PNPLA7: variants seen among roughly 807,000 people sequenced by gnomAD.
The protein encoded by PNPLA7 is patatin like domain 7, lysophospholipase.
Under a neutral mutation model 161.7 loss-of-function variants are expected in PNPLA7, and 153 were observed. That is an observed-to-expected ratio of 0.95 (90% CI 0.83 to 1.08). The LOEUF is 1.08. Ranked by LOEUF, PNPLA7 falls within the 50% of genes least tolerant of loss-of-function variation. The pLI is 0.00. For synonymous variants in PNPLA7, 809 were observed against 782.1 expected (o/e 1.03, Z -0.57); for missense variants, 1,739 against 1,856.6 (o/e 0.94, Z 1.16).
At chr9:137,477,308 A>T (rs1375337493) in intron 25 of PNPLA7, among the ~76,000 whole-genome samples, 2 of 152,228 alleles carry the variant, frequency 1.3e-5, no homozygotes, top group Non-Finnish European at 2.9e-5. Flanking sequence ...CTGGGTTTAA[A>T]GTCCCTGAAG....
intron 21 of PNPLA7, among the ~76,000 whole-genome samples, chr9:137,484,083 G>T (rs563569344): frequency 2.1e-4 from 32 of 151,104 alleles, no homozygotes; most frequent in Admixed American, 9.9e-4. Context: ...TTACAGATGC[G>T]CACCACCACG....
intron 12 of PNPLA7, among the ~76,000 whole-genome samples, chr9:137,512,453 C>T (rs931966068): frequency 4.6e-5 from 7 of 152,228 alleles, no homozygotes; most frequent in Admixed American, 6.5e-5. Context: ...GGCAGGCAGC[C>T]GTGGTGGGGA....
chr9:137,500,950 G>T lies in PNPLA7; in HGVS notation c.1552-54C>A. 6.7e-7 allele frequency: 1 copy of T among 1,487,322 alleles called. No individual in the cohort carries two copies. Among genetic ancestry groups the T allele is most frequent in the Non-Finnish European group, 9.0e-7 (1 of 1,107,692 alleles). 92.1% of individuals were successfully genotyped at this position (1,487,322 alleles called of 1,614,324 possible). A position where few individuals can be genotyped will look rare whatever the true frequency, so the allele number is the denominator to read the frequency against. On this transcript the variant is annotated intron_variant, in intron 15 of 34. Coordinates refer to ENST00000406427, the MANE Select transcript of PNPLA7 (RefSeq NM_001098537.3). This position sits in a 1 kb window ranked among gnomAD's most constrained non-coding sequence, Gnocchi z 5.5. ...CGCGAGTGGCCGCGGGCAGGACGGG[G>T]GCAGCTCTGGGCCCAGAGCGGACGA... is the stretch of plus-strand genomic sequence containing the variant.
At position 137,502,787 on chromosome 9, in the gene PNPLA7, AG is replaced by A. The variant is rs1014126424; in HGVS notation, c.1474-1061del. ...GGTGACATGGACGAGGCCGCTGGAC[AG>A]GGGGGCACTGAACGCACGGCTGAAG... On this transcript the variant is annotated intron_variant, in intron 14 of 34. Coordinates refer to ENST00000406427, the MANE Select transcript of PNPLA7 (RefSeq NM_001098537.3). 1.1e-4 allele frequency among the ~76,000 whole-genome samples: 6 copies of A among 55,406 alleles called. No homozygotes were observed. In the East Asian group the frequency reaches 3.1e-3, roughly 29 times the overall value. 36.3% of individuals were successfully genotyped at this position (55,406 alleles called of 152,430 possible).
rs975712829 is a variant in PNPLA7 at position 137,537,249 on chromosome 9, G to T, written c.747+3393C>A. ...AATGACAAACACAAAAGTTTGATGA[G>T]GAAAAACGATGTCACGGCAGATGAT... On this transcript the variant is annotated intron_variant, in intron 8 of 34. Coordinates refer to ENST00000406427, the MANE Select transcript of PNPLA7 (RefSeq NM_001098537.3). The surrounding 1 kb of genome is among the most constrained non-coding windows in gnomAD (Gnocchi z 4.5). Among the ~76,000 whole-genome samples the T allele has an allele frequency of 6.6e-6, 1 of 152,116 alleles. No individual in the cohort carries two copies. Among genetic ancestry groups the T allele is most frequent in the African/African-American group, 2.4e-5 (1 of 41,408 alleles).
At chr9:137,505,276 AAAT>A (rs1380523981) in intron 14 of PNPLA7, among the ~76,000 whole-genome samples, 3 of 152,086 alleles carry the variant, frequency 2.0e-5, no homozygotes, top group African/African-American at 4.8e-5. Flanking sequence ...AAAGTAATAA[AAAT>A]AAATTATTAA....
At chr9:137,546,033 C>T (rs923408832) in intron 4 of PNPLA7, among the ~76,000 whole-genome samples, 10 of 152,198 alleles carry the variant, frequency 6.6e-5, no homozygotes, top group Admixed American at 6.5e-4. Flanking sequence ...GGAGGCCTAA[C>T]CGTCTCCCTG....
At chr9:137,502,258 C>T (rs923478053) in intron 14 of PNPLA7, among the ~76,000 whole-genome samples, 2 of 152,156 alleles carry the variant, frequency 1.3e-5, no homozygotes, top group Non-Finnish European at 2.9e-5. Context: ...GAGGGAGCGT[C>T]TGCGGGCACC....
Position 137,524,764 on chromosome 9 carries a change from AGTTTCCGTGGATGCCCCGTGGAATGG to A in PNPLA7, c.748-1933_748-1908del, listed in dbSNP as rs1181086425. 1.3e-5 allele frequency among the ~76,000 whole-genome samples: 2 copies of A among 151,422 alleles called. No individual in the cohort carries two copies. The highest frequency in any genetic ancestry group is 1.5e-5 in the Non-Finnish European group (1 of 67,902). Reference sequence around the variant, plus strand: ...GTTTCCGTGGATGCCCCGTGGAATGAGTTTCCGTGGATGCCCCGTGGAATGGGTTTCCGTGGATGCCCCGTGGAATG... The same window carrying A: ...GTTTCCGTGGATGCCCCGTGGAATGAGTTTCCGTGGATGCCCCGTGGAATG... On this transcript the variant is annotated intron_variant, in intron 8 of 34. Transcript: ENST00000406427. This position sits in a 1 kb window ranked among gnomAD's most constrained non-coding sequence, Gnocchi z 4.4.
chr9:137,460,994 T>A, intron 33 of PNPLA7: 1 of 480,392 alleles, frequency 2.1e-6, no homozygotes. Context: ...CCTCCCCTTG[T>A]CAGCCAAGCA....
chr9:137,543,908 G>A lies in PNPLA7; in HGVS notation c.274-93C>T, dbSNP rs559770377. On this transcript the variant is annotated intron_variant, in intron 4 of 34. Transcript: ENST00000406427. This position sits in a 1 kb window ranked among gnomAD's most constrained non-coding sequence, Gnocchi z 6.9. Reference sequence around the variant, plus strand: ...GGATCAGTCCTCAGGACCTGCCTGTGGGCCTCCCACAGTCCCAGCTTCAGC... The same window carrying A: ...GGATCAGTCCTCAGGACCTGCCTGTAGGCCTCCCACAGTCCCAGCTTCAGC... 1.1e-4 allele frequency: 119 copies of A among 1,065,222 alleles called. No individual in the cohort carries two copies. In the African/African-American group the frequency reaches 1.7e-3, roughly 15 times the overall value. The allele number at this position is 1,065,222 out of a possible 1,614,324, so 66.0% of individuals were successfully genotyped here.
rs1177929648 is a variant in PNPLA7, at chr9:137,523,593, T to C, written c.748-736A>G. Among the ~76,000 whole-genome samples, 1 of 152,184 alleles carries C rather than the reference T, an allele frequency of 6.6e-6. No individual in the cohort carries two copies. The highest frequency in any genetic ancestry group is 1.5e-5 in the Non-Finnish European group (1 of 68,040). ...GTTGGCTCTAGAGACGAAAGGCTGT[T>C]GTTTACACCATGCCGTCACCTGCCT... is the stretch of plus-strand genomic sequence containing the variant. On this transcript the variant is annotated intron_variant, in intron 8 of 34. Transcript: ENST00000406427. The surrounding 1 kb of genome is among the most constrained non-coding windows in gnomAD (Gnocchi z 4.4).
In PNPLA7 at chr9:137,536,432, G is replaced by A. The variant is rs1032455841; in HGVS notation, c.747+4210C>T. On this transcript the variant is annotated intron_variant, in intron 8 of 34. Coordinates refer to ENST00000406427, the MANE Select transcript of PNPLA7 (RefSeq NM_001098537.3). The stretch of plus-strand genomic sequence containing the variant: ...GAGGATGGGGGCTCCTAGCAGGGGC[G>A]CTTCCCAGAGCAAAAAAGCATTCAC... 4.2e-4 allele frequency among the ~76,000 whole-genome samples: 64 copies of A among 152,124 alleles called. 1 individual carries two copies. The highest frequency in any genetic ancestry group is 3.9e-4 in the East Asian group (2 of 5,158).
chr9:137,478,038 C>T lies in PNPLA7; in HGVS notation c.2878G>A (p.Ala960Thr). 4 of 1,422,952 alleles carry T rather than the reference C, an allele frequency of 2.8e-6. No individual in the cohort carries two copies. Among genetic ancestry groups the T allele is most frequent in the African/African-American group, 3.0e-5 (2 of 67,200 alleles). 88.1% of individuals were successfully genotyped at this position (1,422,952 alleles called of 1,614,324 possible). A position where few individuals can be genotyped will look rare whatever the true frequency, so the allele number is the denominator to read the frequency against. ...GTAGGAAGCGGGGGGACTCACCTTG[C>T]TCCCCCTCCCCCAAGCACCAGGGCA... ...AIALVLGGGG[A>T]RGCAQVGVLK... Residue 960 changes from alanine (A) to threonine (T), a missense_variant, in exon 25 of 35, where the codon GCA becomes ACA. By Grantham distance (58) the Ala-to-Thr change is moderately conservative (BLOSUM62 0). Coordinates refer to ENST00000406427, the MANE Select transcript of PNPLA7 (RefSeq NM_001098537.3).
Position 137,484,594 on chromosome 9 carries a change from G to A in PNPLA7, c.2340C>T (p.Ser780=), listed in dbSNP as rs756565279. 8 of 1,606,910 alleles carry A rather than the reference G, an allele frequency of 5.0e-6. No individual in the cohort carries two copies. The highest frequency in any genetic ancestry group is 2.2e-5 in the South Asian group (2 of 90,164). The change falls in exon 21 of 35, where the codon AGC becomes AGT. Residue 780 remains serine, a synonymous_variant. Transcript: ENST00000406427. ...AFALELEHAL[S]AIGPTLLLTS... is the part of the protein sequence containing the mutation. ...TGGGAGGCTCAGGCTTACCGATGGC[G>A]CTGAGGGCATGCTCCAGCTCCAGGG...
At chr9:137,515,306 G>A in intron 12 of PNPLA7, 73 bp downstream of exon 12, 3 of 1,546,054 alleles carry the variant, frequency 1.9e-6, no homozygotes, top group East Asian at 2.4e-5. Context: ...GGGCATCAGT[G>A]CAGCTCAGCC....
At chr9:137,495,634 C>T (rs1445993971) in intron 18 of PNPLA7, among the ~76,000 whole-genome samples, 2 of 152,104 alleles carry the variant, frequency 1.3e-5, no homozygotes, top group Admixed American at 6.5e-5. Context: ...TTAGTAGAGA[C>T]GGGGTTTCAC....
chr9:137,545,553 T>C (rs753288619), intron 4 of PNPLA7, among the ~76,000 whole-genome samples: 1 of 152,234 alleles, frequency 6.6e-6, no homozygotes, highest in African/African-American at 2.4e-5. Context: ...GCATGAGCTG[T>C]TCCAGTATAA....
intron 20 of PNPLA7, among the ~76,000 whole-genome samples, chr9:137,487,862 C>A (rs1002169444): frequency 6.6e-6 from 1 of 152,224 alleles, no homozygotes; most frequent in East Asian, 1.9e-4. Context: ...CACAACCTGG[C>A]ACGCCCTGCG....
Sources: gnomAD v4.1 joint callset for allele counts (sites outside exome capture counted in the v4.1 genomes callset) on GRCh38, gnomAD v4.1.1 for gene constraint, Gnocchi (gnomAD v3.1) non-coding constraint, MANE v1.5 for transcripts, NCBI Gene and HGNC (gene_info 2026-07-23, HGNC 2026-07-21) for gene names.